Variants in PTGES3L observed in about 807,000 individuals in gnomAD.
PTGES3L encodes the protein prostaglandin E synthase 3 like.
In PTGES3L, 17 loss-of-function variants were observed where a neutral mutation model predicts 25.0. The ratio of observed to expected loss-of-function variants is 0.68; its 90% CI spans 0.47 to 1.02. The LOEUF (loss-of-function observed/expected upper bound fraction) is 1.02, where lower values mean the gene tolerates loss of function less well. Ranked by LOEUF, PTGES3L falls within the 50% of genes least tolerant of loss-of-function variation. The pLI, the probability that PTGES3L is intolerant of heterozygous loss-of-function variation, is 0.00. For synonymous variants in PTGES3L, 59 were observed against 65.7 expected (o/e 0.90, Z 0.50); for missense variants, 202 against 197.5 (o/e 1.02, Z -0.14).
At chr17:42,980,012 G>A in intron 1 of PTGES3L, 34 bp downstream of exon 1, 2 of 1,541,026 alleles carry the variant, frequency 1.3e-6, no homozygotes, top group Non-Finnish European at 1.8e-6. Flanking sequence ...CAGGGAAAAG[G>A]GCCAGGGGGA....
chr17:42,980,077 A>T lies in PTGES3L; in HGVS notation c.-24T>A, dbSNP rs1280132416. ...ATTGCGGCTCCCGCTCCAGGGTGGC[A>T]TTTAGAGTTCCAGGCAGGGGCCGCT... On this transcript the variant is annotated 5_prime_UTR_variant, in exon 1 of 7. An upstream start codon of the reference 5' UTR is lost. Transcript: ENST00000591916. The T allele has an allele frequency of 6.4e-7, 1 of 1,551,430 alleles. No homozygotes were observed. The highest frequency in any genetic ancestry group is 8.7e-7 in the Non-Finnish European group (1 of 1,146,976).
At position 42,971,654 on chromosome 17, in the gene PTGES3L, C is replaced by T; in HGVS notation, c.331G>A (p.Glu111Lys). ...GCCAGCTCCATCTCTTCATCCCCTT[C>T]CCAGTCTCTCCAGTTATCAAAGTCC... Reference protein sequence around the residue: ...SVDFDNWRDWEGDEEMELAHV... With the variant: ...SVDFDNWRDWKGDEEMELAHV... The change falls in exon 5 of 7, where the codon GAA becomes AAA. Residue 111 changes from glutamate (E) to lysine (K), a missense_variant. Physicochemically the swap from Glu to Lys is moderately conservative, Grantham distance 56 (BLOSUM62 1). Coordinates refer to ENST00000591916, the MANE Select transcript of PTGES3L (RefSeq NM_001261430.2). The T allele has an allele frequency of 6.2e-7, 1 of 1,614,094 alleles. No homozygotes were observed. Among genetic ancestry groups the T allele is most frequent in the Non-Finnish European group, 8.5e-7 (1 of 1,180,008 alleles).
intron 4 of PTGES3L, chr17:42,971,914 G>T: frequency 2.0e-6 from 1 of 507,142 alleles, no homozygotes; most frequent in Non-Finnish European, 3.6e-6. Context: ...CTCCGGCCAG[G>T]CGTGGTGGCT....
At chr17:42,973,095 C>T (rs1179637401) in intron 4 of PTGES3L, among the ~76,000 whole-genome samples, 1 of 140,948 alleles carries the variant, frequency 7.1e-6, no homozygotes, top group East Asian at 2.2e-4. Context: ...GCAACCACCC[C>T]GTCTGAGAAG....
intron 4 of PTGES3L, among the ~76,000 whole-genome samples, chr17:42,973,239 G>A (rs200026438): frequency 3.4e-5 from 5 of 145,960 alleles, no homozygotes; most frequent in South Asian, 2.2e-4. Context: ...CCGGGAGGGA[G>A]GTGGGGGGGT....
chr17:42,979,799 G>A lies in PTGES3L; in HGVS notation c.9-136C>T, dbSNP rs570648792. On this transcript the variant is annotated intron_variant, in intron 1 of 6. Transcript: ENST00000591916. ...CTAAATGAGACAGAAGGGGTGAAAG[G>A]GAAGGGAATGACAGGAGTGGGTGGG... 9.1e-6 allele frequency: 13 copies of A among 1,429,996 alleles called. No homozygotes were observed. In the Admixed American group the frequency reaches 2.8e-4, roughly 31 times the overall value. 88.6% of individuals were successfully genotyped at this position (1,429,996 alleles called of 1,614,324 possible).
intron 4 of PTGES3L, among the ~76,000 whole-genome samples, chr17:42,977,165 C>T (rs1032788078): frequency 6.6e-6 from 1 of 152,094 alleles, no homozygotes; most frequent in Non-Finnish European, 1.5e-5. Context: ...GTGGCTTACA[C>T]CTGTAATCCC....
chr17:42,977,595 ACT>A (rs2049978176), intron 4 of PTGES3L, among the ~76,000 whole-genome samples: 1 of 147,496 alleles, frequency 6.8e-6, no homozygotes, highest in Non-Finnish European at 1.5e-5. Context: ...CAAGAGAGAA[ACT>A]CTGTCTCAAA....
chr17:42,975,863 G>C (rs1305944500), intron 4 of PTGES3L, among the ~76,000 whole-genome samples: 3 of 151,858 alleles, frequency 2.0e-5, no homozygotes. Flanking sequence ...TTTTAGTAGA[G>C]ACGGGGTTTC....
At chr17:42,969,336 G>GT (rs547056093) in intron 6 of PTGES3L, 150 bp from the exon 7 acceptor site, 123 of 438,030 alleles carry the variant, frequency 2.8e-4, no homozygotes, top group African/African-American at 2.3e-3. Flanking sequence ...AATATGAAAG[G>GT]TTTTAACTTA....
chr17:42,979,183 T>C lies in PTGES3L; in HGVS notation c.275A>G (p.Lys92Arg). ...CCACACACCCACCTTGATATCCTCC[T>C]TGGTAAGCCGCGGCCAGGCCACCTT... ...KEKVAWPRLT[K>R]EDIKPVWLSV... is the part of the protein sequence containing the mutation. The change falls in exon 4 of 7, where the codon AAG (lysine) becomes AGG (arginine). Residue 92 changes from lysine (K) to arginine (R), a missense_variant. Transcript: ENST00000591916. The C allele has an allele frequency of 6.2e-7, 1 of 1,614,140 alleles. No individual in the cohort carries two copies. The highest frequency in any genetic ancestry group is 2.2e-5 in the East Asian group (1 of 44,884).
intron 3 of PTGES3L, 50 bp from the exon 4 acceptor site, chr17:42,979,318 T>C (rs1454931031): frequency 6.2e-7 from 1 of 1,614,022 alleles, no homozygotes; most frequent in African/African-American, 1.3e-5. Flanking sequence ...AGAATTAATC[T>C]CCAGTTTCCC....
chr17:42,979,746 T>C (rs2050040237), intron 1 of PTGES3L, 83 bp from the exon 2 acceptor site: 1 of 1,529,344 alleles, frequency 6.5e-7, no homozygotes, highest in Admixed American at 2.0e-5. Flanking sequence ...CCAGGGACCT[T>C]TGATGCCACA....
chr17:42,975,723 C>T (rs1252124832), intron 4 of PTGES3L, among the ~76,000 whole-genome samples: 1 of 152,130 alleles, frequency 6.6e-6, no homozygotes, highest in African/African-American at 2.4e-5. Flanking sequence ...GTCATCCAGG[C>T]TAGAGTGCAG....
Position 42,969,196 on chromosome 17 carries a change from G to C in PTGES3L, c.433-10C>G, listed in dbSNP as rs1247673394. 2.8e-6 allele frequency: 4 copies of C among 1,439,070 alleles called. 1 individual carries two copies. The highest frequency in any genetic ancestry group is 2.5e-5 in the East Asian group (1 of 40,056). The allele number at this position is 1,439,070 out of a possible 1,614,324, so 89.1% of individuals were successfully genotyped here. ...CACTGTCAGAATCATCCTGGGGGCG[G>C]GGGGGAAAAAAGACAAAGCACCTGT... is the stretch of plus-strand genomic sequence containing the variant. On this transcript the variant is annotated splice_polypyrimidine_tract_variant and intron_variant, in intron 6 of 6. Coordinates refer to ENST00000591916, the MANE Select transcript of PTGES3L (RefSeq NM_001261430.2).
chr17:42,970,217 T>C, intron 6 of PTGES3L, 72 bp downstream of exon 6: 1 of 1,578,522 alleles, frequency 6.3e-7, no homozygotes, highest in Non-Finnish European at 8.7e-7. Context: ...GGAACTGGGA[T>C]AGGAGCTCTC....
At chr17:42,969,335 G>T (rs968835664) in intron 6 of PTGES3L, 149 bp from the exon 7 acceptor site, 4 of 474,284 alleles carry the variant, frequency 8.4e-6, no homozygotes, top group African/African-American at 6.0e-5. Context: ...TAATATGAAA[G>T]GTTTTAACTT....
chr17:42,977,691 G>A (rs78374231), intron 4 of PTGES3L, among the ~76,000 whole-genome samples: 68,436 of 107,934 alleles, frequency 0.63, 20,146 homozygotes, highest in Admixed American at 0.73. Flanking sequence ...GAGAAAGAAA[G>A]AAAAGAAAGA....
intron 4 of PTGES3L, among the ~76,000 whole-genome samples, chr17:42,974,928 G>A (rs1403435502): frequency 6.6e-6 from 1 of 151,388 alleles, no homozygotes; most frequent in African/African-American, 2.4e-5. Flanking sequence ...TGAGCCCAGG[G>A]GTTCGAGACC....
Sources: gnomAD v4.1 joint callset for allele counts (sites outside exome capture counted in the v4.1 genomes callset) on GRCh38, gnomAD v4.1.1 for gene constraint, MANE v1.5 for transcripts, NCBI Gene and HGNC (gene_info 2026-07-23, HGNC 2026-07-21) for gene names.